Variants in ANXA4 observed in about 807,000 individuals in gnomAD.
The protein encoded by ANXA4 is 35-beta calcimedin.
ANXA4 carries 39 observed loss-of-function variants against 49.8 expected under a neutral mutation model. The observed-to-expected ratio is 0.78, with a 90% confidence interval of 0.61 to 1.02. ANXA4 has a LOEUF of 1.02. Ranked by LOEUF, ANXA4 falls within the 50% of genes least tolerant of loss-of-function variation. The probability of loss-of-function intolerance (pLI) is 0.00; values close to 1 mark genes in which losing one functional copy is unlikely to be tolerated. For synonymous variants in ANXA4, 134 were observed against 152.5 expected (o/e 0.88, Z 0.89); for missense variants, 360 against 410.1 (o/e 0.88, Z 1.05).
chr2:69,770,929 T>TAAAA (rs879329077), intron 1 of ANXA4, among the ~76,000 whole-genome samples: 3 of 131,678 alleles, frequency 2.3e-5, no homozygotes, highest in Non-Finnish European at 5.0e-5. Flanking sequence ...TCTAGAAAAT[T>TAAAA]TAAAAAAAAA....
intron 1 of ANXA4, 78 bp downstream of exon 1, chr2:69,742,253 G>T (rs927578956): frequency 1.3e-5 from 2 of 152,236 alleles, no homozygotes; most frequent in Admixed American, 1.3e-4. Flanking sequence ...GCGTCTCGCG[G>T]GGATGCCCGG....
intron 3 of ANXA4, among the ~76,000 whole-genome samples, chr2:69,796,796 G>A (rs991235873): frequency 3.9e-5 from 6 of 152,108 alleles, no homozygotes; most frequent in Non-Finnish European, 7.4e-5. Context: ...CTTAGAAGCT[G>A]CCCCCAATGG....
At chr2:69,728,713 C>T (rs534720315) in intron 3 of ANXA4, among the ~76,000 whole-genome samples, 9 of 152,292 alleles carry the variant, frequency 5.9e-5, no homozygotes, top group African/African-American at 1.9e-4. Context: ...TCTTCCATTC[C>T]GTTTGTCTAT....
At chr2:69,752,516 T>C (rs1292515213) in intron 1 of ANXA4, among the ~76,000 whole-genome samples, 1 of 152,220 alleles carries the variant, frequency 6.6e-6, no homozygotes, top group East Asian at 1.9e-4. Context: ...TTCGACATGG[T>C]CTCCTTCCCT....
At position 69,807,997 on chromosome 2, in the gene ANXA4, G is replaced by A. The variant is rs762078734; in HGVS notation, c.397+1G>A. Reference sequence around the variant, plus strand: ...CGCATAAGCCAAACCTACCAGCAGCGTACGTGACATCCGCAGTGGCCCTGG... The same window carrying A: ...CGCATAAGCCAAACCTACCAGCAGCATACGTGACATCCGCAGTGGCCCTGG... On this transcript the variant is annotated splice_donor_variant, in intron 6 of 12. Coordinates refer to ENST00000394295, the MANE Select transcript of ANXA4 (RefSeq NM_001153.5). LOFTEE classifies it high-confidence loss of function. The A allele has an allele frequency of 9.3e-6, 15 of 1,613,830 alleles. No individual in the cohort carries two copies. In the Admixed American group the frequency reaches 1.3e-4, roughly 14 times the overall value.
In ANXA4 at chr2:69,757,260, ATATATATTTTTTTTTTTTTTTT is replaced by A. The variant is rs1253011424; in HGVS notation, c.-47+15087_-47+15108del. Among the ~76,000 whole-genome samples, 38 of 51,720 alleles carry A rather than the reference ATATATATTTTTTTTTTTTTTTT, an allele frequency of 7.3e-4. 1 individual carries two copies. The highest frequency in any genetic ancestry group is 2.6e-3 in the African/African-American group (37 of 14,248). The allele number at this position is 51,720 out of a possible 152,430, so 33.9% of individuals were successfully genotyped here. A position where few individuals can be genotyped will look rare whatever the true frequency, so the allele number is the denominator to read the frequency against. ...GTTTTATATATATATATATATATAT[ATATATATTTTTTTTTTTTTTTT>A]TTTTTTTAGGTGGAGTCTCGCTGTG... On this transcript the variant is annotated intron_variant, in intron 1 of 12. Transcript: ENST00000394295.
At chr2:69,665,647 G>A (rs550840295) in intron 2 of ANXA4, among the ~76,000 whole-genome samples, 3 of 152,292 alleles carry the variant, frequency 2.0e-5, no homozygotes, top group African/African-American at 7.2e-5. Flanking sequence ...GGCATGTAAA[G>A]AGGGGAATTT....
chr2:69,706,634 T>C (rs549434495), intron 2 of ANXA4, among the ~76,000 whole-genome samples: 2 of 152,230 alleles, frequency 1.3e-5, no homozygotes, highest in South Asian at 4.1e-4. Flanking sequence ...CATGCCTGCA[T>C]TTCTGGAACC....
chr2:69,745,177 T>C (rs552321788), intron 1 of ANXA4, among the ~76,000 whole-genome samples: 85 of 151,672 alleles, frequency 5.6e-4, no homozygotes, highest in African/African-American at 2.0e-3. Context: ...GCCAGAGGGG[T>C]TTGACATGTG....
chr2:69,771,109 G>GA (rs70954358), intron 1 of ANXA4, among the ~76,000 whole-genome samples: 5,356 of 104,726 alleles, frequency 0.051, 307 homozygotes, highest in African/African-American at 0.17. Flanking sequence ...AAAAAAAAAA[G>GA]AAAAAAAAAA....
At chr2:69,670,438 CAA>C (rs748196181) in intron 2 of ANXA4, among the ~76,000 whole-genome samples, 7 of 44,790 alleles carry the variant, frequency 1.6e-4, no homozygotes, top group African/African-American at 2.4e-4. Context: ...GACTCAATCT[CAA>C]AAAAAAAAAA....
At chr2:69,778,587 C>G (rs1317180583) in intron 1 of ANXA4, among the ~76,000 whole-genome samples, 1 of 152,040 alleles carries the variant, frequency 6.6e-6, no homozygotes, top group African/African-American at 2.4e-5. Context: ...ACCAGCCTGA[C>G]CAACATGGAG....
At chr2:69,725,621 T>G (rs912850417) in intron 3 of ANXA4, among the ~76,000 whole-genome samples, 4 of 152,136 alleles carry the variant, frequency 2.6e-5, no homozygotes, top group African/African-American at 9.7e-5. Context: ...CATCGTCTTG[T>G]CCACCTTCAA....
intron 1 of ANXA4, among the ~76,000 whole-genome samples, chr2:69,779,107 C>CAA (rs70954359): frequency 4.2e-4 from 19 of 45,414 alleles, no homozygotes; most frequent in Non-Finnish European, 5.6e-4. Context: ...CACTCTGCCT[C>CAA]AAAAAAAAAA....
chr2:69,731,710 G>C (rs1180663603), intron 3 of ANXA4, among the ~76,000 whole-genome samples: 1 of 152,184 alleles, frequency 6.6e-6, no homozygotes, highest in African/African-American at 2.4e-5. Context: ...ATGCATCTGA[G>C]TAAAGGGTGG....
chr2:69,687,446 T>C (rs2105367307), intron 2 of ANXA4, among the ~76,000 whole-genome samples: 1 of 151,116 alleles, frequency 6.6e-6, no homozygotes, highest in African/African-American at 2.4e-5. Context: ...AGGCAGAGAT[T>C]GAAGGGAACT....
In ANXA4 at chr2:69,759,315, C is replaced by G. The variant is rs374540300; in HGVS notation, c.-47+17140C>G. Among the ~76,000 whole-genome samples, 120 of 152,054 alleles carry G rather than the reference C, an allele frequency of 7.9e-4. No individual in the cohort carries two copies. The South Asian group carries it at 8.9e-3, about 11-fold the overall frequency. On this transcript the variant is annotated intron_variant, in intron 1 of 12. Coordinates refer to ENST00000394295, the MANE Select transcript of ANXA4 (RefSeq NM_001153.5). The stretch of plus-strand genomic sequence containing the variant: ...AGTAGAACACAAAATTATATACATA[C>G]TGTGATTACAACTGTGCTGAAACAC...
chr2:69,793,266 G>C (rs554374864), intron 3 of ANXA4, among the ~76,000 whole-genome samples: 8 of 116,484 alleles, frequency 6.9e-5, no homozygotes, highest in Non-Finnish European at 1.4e-4. Context: ...AAAAAAAGCA[G>C]TTTACAACCT....
chr2:69,805,901 GTATGTTACTGTAAATAA>G (rs1338669089), intron 4 of ANXA4, among the ~76,000 whole-genome samples: 1 of 152,094 alleles, frequency 6.6e-6, no homozygotes. Flanking sequence ...TAAGTATATT[GTATGTTACTGTAAATAA>G]CATTTTAATG....
Sources: allele counts gnomAD v4.1 joint callset (sites outside exome capture counted in the v4.1 genomes callset), GRCh38; gene constraint gnomAD v4.1.1; transcripts MANE v1.5; gene names NCBI Gene and HGNC (gene_info 2026-07-23, HGNC 2026-07-21).